Variants in KIF26B observed in about 807,000 individuals in gnomAD.
The protein encoded by KIF26B is kinesin-like protein KIF26B.
A neutral mutation model predicts 151.2 loss-of-function variants in KIF26B; 63 were observed. That is an observed-to-expected ratio of 0.42 (90% CI 0.34 to 0.51). The LOEUF (loss-of-function observed/expected upper bound fraction) is 0.51. Ranked by LOEUF, KIF26B falls within the 20% of genes least tolerant of loss-of-function variation. The pLI is 0.07. For synonymous variants in KIF26B, 1,357 were observed against 1,262.1 expected, an observed-to-expected ratio of 1.08 and a Z score of -1.59; for missense variants, 2,813 against 2,913.6, an observed-to-expected ratio of 0.97 and a Z score of 0.79.
In KIF26B at chr1:245,560,791, C is replaced by G. The variant is rs2042939690; in HGVS notation, c.1350+19841C>G. On this transcript the variant is annotated intron_variant, in intron 5 of 14. Transcript: ENST00000407071. This position sits in a 1 kb window ranked among gnomAD's most constrained non-coding sequence, Gnocchi z 4.3. ...CCCTCCGCTCCTCGCACTCTCATCA[C>G]TGCCCCTCACTCTCTGTCCCCACAG... Among the ~76,000 whole-genome samples the G allele has an allele frequency of 6.6e-6, 1 of 152,230 alleles. No individual in the cohort carries two copies. Among genetic ancestry groups the G allele is most frequent in the African/African-American group, 2.4e-5 (1 of 41,466 alleles).
chr1:245,260,177 C>T (rs2103569522), intron 2 of KIF26B, among the ~76,000 whole-genome samples: 1 of 152,230 alleles, frequency 6.6e-6, no homozygotes, highest in East Asian at 1.9e-4. Flanking sequence ...TCTCAGTGGG[C>T]TGTTTGCCTG....
At chr1:245,582,201 C>T (rs776359677) in intron 5 of KIF26B, among the ~76,000 whole-genome samples, 3 of 151,992 alleles carry the variant, frequency 2.0e-5, no homozygotes, top group Non-Finnish European at 4.4e-5. Flanking sequence ...TCAGCGAGAG[C>T]TACACGAGCT....
At chr1:245,287,478 T>C (rs994127113) in intron 2 of KIF26B, among the ~76,000 whole-genome samples, 4 of 151,268 alleles carry the variant, frequency 2.6e-5, no homozygotes, top group African/African-American at 7.3e-5. Context: ...AGGGTCCCTG[T>C]GTGTCTCATC....
chr1:245,388,436 A>T (rs1673605512), intron 3 of KIF26B, among the ~76,000 whole-genome samples: 1 of 152,232 alleles, frequency 6.6e-6, no homozygotes, highest in African/African-American at 2.4e-5. Context: ...AGTCACATTG[A>T]CGTCCCAGTC....
At chr1:245,331,604 G>C (rs2102991587) in intron 2 of KIF26B, among the ~76,000 whole-genome samples, 1 of 152,252 alleles carries the variant, frequency 6.6e-6, no homozygotes, top group South Asian at 2.1e-4. Context: ...ATTGGTGGCT[G>C]CTGAGGAAGG....
At chr1:245,341,534 C>G (rs1672334668) in intron 2 of KIF26B, among the ~76,000 whole-genome samples, 1 of 151,988 alleles carries the variant, frequency 6.6e-6, no homozygotes, top group Non-Finnish European at 1.5e-5. Context: ...GTTGCCCGGG[C>G]TGGTCTCAAA....
At chr1:245,586,190 T>C (rs1285949844) in intron 5 of KIF26B, among the ~76,000 whole-genome samples, 1 of 137,424 alleles carries the variant, frequency 7.3e-6, no homozygotes, top group African/African-American at 2.6e-5. Context: ...TGTGTGTGTG[T>C]GTGTGTGTTT....
intron 2 of KIF26B, among the ~76,000 whole-genome samples, chr1:245,194,399 A>AT (rs995450959): frequency 3.4e-4 from 51 of 150,874 alleles, no homozygotes; most frequent in East Asian, 3.9e-4. Context: ...AAACAAAATA[A>AT]TTTTTTTTTT....
chr1:245,575,246 G>A lies in KIF26B; in HGVS notation c.1351-27331G>A, dbSNP rs375646327. On this transcript the variant is annotated intron_variant, in intron 5 of 14. Transcript: ENST00000407071. ...TCCCAGCACTTTGGGAGGCAGAGGCGAGTGGATCACCTGATGTCAGGAGTT... is the reference window on the plus strand; with the variant it reads ...TCCCAGCACTTTGGGAGGCAGAGGCAAGTGGATCACCTGATGTCAGGAGTT... 2.0e-3 allele frequency among the ~76,000 whole-genome samples: 309 copies of A among 151,880 alleles called. 1 individual carries two copies. The highest frequency in any genetic ancestry group is 7.0e-3 in the African/African-American group (291 of 41,486).
chr1:245,406,632 C>G (rs1268003738), intron 3 of KIF26B, among the ~76,000 whole-genome samples: 1 of 152,162 alleles, frequency 6.6e-6, no homozygotes, highest in Non-Finnish European at 1.5e-5. Flanking sequence ...TCCAGCTAAT[C>G]TAATTTCAGT....
intron 2 of KIF26B, among the ~76,000 whole-genome samples, chr1:245,247,185 T>C (rs1670350054): frequency 6.6e-6 from 1 of 151,990 alleles, no homozygotes; most frequent in South Asian, 2.1e-4. Flanking sequence ...GCATGGTGGC[T>C]CGTGCCTGTA....
At chr1:245,309,343 C>T (rs1320357025) in intron 2 of KIF26B, among the ~76,000 whole-genome samples, 8 of 152,238 alleles carry the variant, frequency 5.3e-5, no homozygotes, top group South Asian at 2.1e-4. Context: ...CTCATCCAAT[C>T]GGTCGAAGGC....
At chr1:245,327,813 A>G (rs773830859) in intron 2 of KIF26B, among the ~76,000 whole-genome samples, 32 of 152,214 alleles carry the variant, frequency 2.1e-4, no homozygotes, top group Admixed American at 3.9e-4. Flanking sequence ...GACTTAAGAC[A>G]TTAGATCAAT....
At chr1:245,157,133 C>T (rs768070955) in intron 2 of KIF26B, among the ~76,000 whole-genome samples, 1 of 152,182 alleles carries the variant, frequency 6.6e-6, no homozygotes, top group Non-Finnish European at 1.5e-5. Context: ...CCATCCTTTC[C>T]GCGGTTGCAG....
rs758993117 is a variant in KIF26B, at chr1:245,184,050, G to GTTTT, written c.465+27383_465+27386dup. Among the ~76,000 whole-genome samples, 81 of 19,808 alleles carry GTTTT rather than the reference G, an allele frequency of 4.1e-3. 18 individuals are homozygous for GTTTT. Among genetic ancestry groups the GTTTT allele is most frequent in the Admixed American group, 4.2e-3 (4 of 960 alleles). The allele number at this position is 19,808 out of a possible 152,430, so 13.0% of individuals were successfully genotyped here. On this transcript the variant is annotated intron_variant, in intron 2 of 14. Coordinates refer to ENST00000407071, the MANE Select transcript of KIF26B (RefSeq NM_018012.4). ...GCAACAGGTATGGGTGGGAGTTGTTGTTTTTTTTTTTTTTTTTTTGAGCTT... is the reference window on the plus strand; with the variant it reads ...GCAACAGGTATGGGTGGGAGTTGTTGTTTTTTTTTTTTTTTTTTTTTTTGAGCTT...
intron 3 of KIF26B, among the ~76,000 whole-genome samples, chr1:245,378,705 A>G (rs989660772): frequency 2.0e-5 from 3 of 152,220 alleles, no homozygotes; most frequent in Non-Finnish European, 2.9e-5. Context: ...AGATCGTTTT[A>G]GAAAGTCTGA....
chr1:245,654,158 T>C (rs2044049471), intron 10 of KIF26B, among the ~76,000 whole-genome samples: 2 of 152,182 alleles, frequency 1.3e-5, no homozygotes, highest in Admixed American at 1.3e-4. Context: ...CACCTGTTTC[T>C]GTGATTGCTA....
At position 245,367,361 on chromosome 1, in the gene KIF26B, A is replaced by G; in HGVS notation, c.993A>G (p.Pro331=). 1 of 1,585,360 alleles carries G rather than the reference A, an allele frequency of 6.3e-7. No individual in the cohort carries two copies. Reference sequence around the variant, plus strand: ...GAACCAACGGGGTCACCCTGTACCCATACCAGGTAAGTAGCCTGTGTGAGC... The same window carrying G: ...GAACCAACGGGGTCACCCTGTACCCGTACCAGGTAAGTAGCCTGTGTGAGC... The part of the protein sequence containing the change: ...LSRTNGVTLY[P]YQISQLMTES... Residue 331 remains proline (P), a synonymous_variant, in exon 3 of 15, where the codon CCA becomes CCG. Transcript: ENST00000407071. The surrounding 1 kb of genome is among the most constrained non-coding windows in gnomAD (Gnocchi z 4.2).
In KIF26B at chr1:245,688,135, C is replaced by A. The variant is rs373108388; in HGVS notation, c.5152C>A (p.Pro1718Thr). ...CCTGGGCCGCAGCGCCGGGACCTCG[C>A]CCCCCAGCTCCGGGGCCTCGCCCAA... ...RSLGRSAGTS[P>T]PSSGASPKAG... Residue 1718 changes from proline to threonine, a missense_variant, in exon 12 of 15, where the codon CCC becomes ACC. Pro to Thr is a conservative substitution (Grantham distance 38). Coordinates refer to ENST00000407071, the MANE Select transcript of KIF26B (RefSeq NM_018012.4). The A allele has an allele frequency of 6.3e-7, 1 of 1,587,680 alleles. No individual in the cohort carries two copies. Among genetic ancestry groups the A allele is most frequent in the Non-Finnish European group, 8.5e-7 (1 of 1,173,164 alleles).
Sources: gnomAD v4.1 joint callset for allele counts (sites outside exome capture counted in the v4.1 genomes callset) on GRCh38, gnomAD v4.1.1 for gene constraint, Gnocchi (gnomAD v3.1) non-coding constraint, MANE v1.5 for transcripts, NCBI Gene and HGNC (gene_info 2026-07-23, HGNC 2026-07-21) for gene names.